The following RNF145 variants were observed in gnomAD, a reference collection of about 807,000 sequenced individuals.
The protein encoded by RNF145 is ring finger protein 145.
Under a neutral mutation model 57.3 loss-of-function variants are expected in RNF145, and 12 were observed. That is an observed-to-expected ratio of 0.21 (90% confidence interval 0.13 to 0.34). The LOEUF is 0.34. RNF145 is among the 10% of genes least tolerant of loss of function. The probability of loss-of-function intolerance (pLI) is 1.00; values close to 1 mark genes in which losing one functional copy is unlikely to be tolerated. For synonymous variants in RNF145, 262 were observed against 288.3 expected (o/e 0.91, Z 0.92); for missense variants, 429 against 799.0 (o/e 0.54, Z 5.58).
At chr5:159,196,166 T>C (rs1785452896) in intron 2 of RNF145, among the ~76,000 whole-genome samples, 1 of 151,804 alleles carries the variant, frequency 6.6e-6, no homozygotes, top group South Asian at 2.1e-4. Flanking sequence ...GGGCTACATG[T>C]GGCCCAGGAT....
intron 3 of RNF145, among the ~76,000 whole-genome samples, chr5:159,187,219 T>C (rs1358267233): frequency 6.8e-6 from 1 of 147,782 alleles, no homozygotes. Context: ...GAGGTGGAGG[T>C]TGCAGTGAGC....
chr5:159,163,220 CTAGAG>C, intron 8 of RNF145, 141 bp from the exon 9 acceptor site: 1 of 757,444 alleles, frequency 1.3e-6, no homozygotes, highest in Non-Finnish European at 2.1e-6. Context: ...AGTCACTGTA[CTAGAG>C]TTCAGACCAA....
At chr5:159,191,296 C>G (rs1001719438) in intron 3 of RNF145, among the ~76,000 whole-genome samples, 1 of 152,126 alleles carries the variant, frequency 6.6e-6, no homozygotes, top group Non-Finnish European at 1.5e-5. Context: ...TTCCTTTCTA[C>G]TAACCATGCT....
intron 5 of RNF145, among the ~76,000 whole-genome samples, chr5:159,174,606 C>T (rs1047595975): frequency 1.3e-5 from 2 of 152,066 alleles, no homozygotes; most frequent in Non-Finnish European, 2.9e-5. Context: ...AAATGAGAAA[C>T]AGTTCAATGG....
chr5:159,177,685 T>C (rs1784761110), intron 4 of RNF145, among the ~76,000 whole-genome samples: 1 of 152,020 alleles, frequency 6.6e-6, no homozygotes, highest in African/African-American at 2.4e-5. Context: ...AATTACTGAA[T>C]CAGAAAAAAA....
intron 3 of RNF145, among the ~76,000 whole-genome samples, chr5:159,191,575 G>A (rs1317943349): frequency 2.6e-5 from 4 of 152,008 alleles, no homozygotes; most frequent in South Asian, 2.1e-4. Flanking sequence ...GGAAGATCAC[G>A]AGGTCAGGAG....
chr5:159,173,907 G>A (rs935307453), intron 6 of RNF145, 76 bp downstream of exon 6: 10 of 1,036,832 alleles, frequency 9.6e-6, no homozygotes, highest in Non-Finnish European at 1.4e-5. Context: ...AAAGTAATCT[G>A]CAAAACTTAC....
intron 1 of RNF145, chr5:159,207,853 A>G (rs745454432): frequency 4.3e-6 from 7 of 1,614,200 alleles, no homozygotes; most frequent in Non-Finnish European, 3.4e-6. Context: ...CCATCTTTCA[A>G]CTTAAGGAAC....
upstream of RNF145, chr5:159,209,677 C>G (rs998580764): frequency 1.1e-6 from 1 of 943,480 alleles, no homozygotes; most frequent in Non-Finnish European, 1.4e-6. Context: ...CGCACCGCCT[C>G]CGGTGCGTGG....
At chr5:159,181,093 T>C (rs1425319666) in intron 4 of RNF145, among the ~76,000 whole-genome samples, 1 of 151,268 alleles carries the variant, frequency 6.6e-6, no homozygotes, top group African/African-American at 2.4e-5. Context: ...TAAAAAATGT[T>C]TTCCCAGCCT....
At chr5:159,203,700 C>A in intron 1 of RNF145, 44 bp from the exon 2 acceptor site, 1 of 1,379,592 alleles carries the variant, frequency 7.2e-7, no homozygotes, top group South Asian at 1.3e-5. Flanking sequence ...AAAGTCAACA[C>A]AAATCGCTTT....
In RNF145 at chr5:159,157,519, T is replaced by A. The variant is rs370814302; in HGVS notation, c.*1151A>T. The A allele has an allele frequency of 6.6e-6, 1 of 152,654 alleles. No individual in the cohort carries two copies. Among genetic ancestry groups the A allele is most frequent in the East Asian group, 1.9e-4 (1 of 5,332 alleles). 9.5% of individuals were successfully genotyped at this position (152,654 alleles called of 1,614,324 possible). A position where few individuals can be genotyped will look rare whatever the true frequency, so the allele number is the denominator to read the frequency against. The stretch of plus-strand genomic sequence containing the variant: ...ACATCCCACATTAGGAATACCGAGG[T>A]CTGAAAAACACTTTTTGAGCCAAGC... On this transcript the variant is annotated 3_prime_UTR_variant, in exon 11 of 11. Coordinates refer to ENST00000424310, the MANE Select transcript of RNF145 (RefSeq NM_001199383.2).
intron 3 of RNF145, among the ~76,000 whole-genome samples, chr5:159,193,546 T>C (rs1225220801): frequency 6.6e-6 from 1 of 152,136 alleles, no homozygotes; most frequent in Admixed American, 6.5e-5. Context: ...TCCTTTCATA[T>C]CCACAGAAGT....
intron 8 of RNF145, among the ~76,000 whole-genome samples, chr5:159,168,146 C>T (rs1784444804): frequency 6.6e-6 from 1 of 152,122 alleles, no homozygotes; most frequent in Non-Finnish European, 1.5e-5. Flanking sequence ...GCTTTTATCC[C>T]TCACAAAAAT....
chr5:159,194,504 G>C (rs1194810321), intron 3 of RNF145, among the ~76,000 whole-genome samples: 1 of 152,142 alleles, frequency 6.6e-6, no homozygotes, highest in Non-Finnish European at 1.5e-5. Context: ...CTTAAGGCTT[G>C]TTTCATGTTA....
intron 1 of RNF145, among the ~76,000 whole-genome samples, chr5:159,206,134 G>C (rs1241252056): frequency 6.6e-6 from 1 of 152,032 alleles, no homozygotes; most frequent in African/African-American, 2.4e-5. Flanking sequence ...GAAAATACCG[G>C]GTCCCGAAAG....
intron 7 of RNF145, 72 bp downstream of exon 7, chr5:159,169,607 G>A (rs751895890): frequency 9.3e-5 from 119 of 1,285,782 alleles, no homozygotes; most frequent in Non-Finnish European, 1.2e-4. Context: ...ATCAGCCAAA[G>A]AAATTCATCA....
Position 159,181,830 on chromosome 5 carries a change from T to G in RNF145, c.385+130A>C, listed in dbSNP as rs79537532. On this transcript the variant is annotated intron_variant, in intron 4 of 10. Transcript: ENST00000424310. ...AAAAAAAACCACCAAACAATGGGTATATGTGGGAAAAGTCCCCATGAATCA... is the reference window on the plus strand; with the variant it reads ...AAAAAAAACCACCAAACAATGGGTAGATGTGGGAAAAGTCCCCATGAATCA... The G allele has an allele frequency of 6.6e-3, 3,894 of 588,466 alleles. 21 individuals are homozygous for G. Among genetic ancestry groups the G allele is most frequent in the Middle Eastern group, 0.017 (35 of 2,030 alleles). 36.5% of individuals were successfully genotyped at this position (588,466 alleles called of 1,614,324 possible).
intron 5 of RNF145, 121 bp from the exon 6 acceptor site, chr5:159,174,279 G>A (rs538937441): frequency 3.0e-6 from 2 of 665,912 alleles, no homozygotes; most frequent in Non-Finnish European, 5.0e-6. Flanking sequence ...GACTGTTTCA[G>A]CTAAATTCCT....
Sources: gnomAD v4.1 joint callset for allele counts (sites outside exome capture counted in the v4.1 genomes callset) on GRCh38, gnomAD v4.1.1 for gene constraint, MANE v1.5 for transcripts, NCBI Gene and HGNC (gene_info 2026-07-23, HGNC 2026-07-21) for gene names.